The following RPS6KA5 variants were observed in gnomAD, a reference collection of about 807,000 sequenced individuals.
The protein encoded by RPS6KA5 is ribosomal protein S6 kinase alpha-5.
In RPS6KA5, 27 loss-of-function variants were observed where a neutral mutation model predicts 85.5. The observed-to-expected ratio is 0.32, with a 90% CI of 0.23 to 0.44. The LOEUF is 0.44. RPS6KA5 is among the 20% of genes least tolerant of loss of function. The pLI is 1.00. For missense variants in RPS6KA5, 811 were observed against 980.9 expected, an observed-to-expected ratio of 0.83 and a Z score of 2.31; for synonymous variants, 334 against 348.2, an observed-to-expected ratio of 0.96 and a Z score of 0.46.
chr14:90,877,842 C>G (rs1308287403), intron 14 of RPS6KA5, among the ~76,000 whole-genome samples: 1 of 152,226 alleles, frequency 6.6e-6, no homozygotes, highest in Non-Finnish European at 1.5e-5. Context: ...AATTCCTTAA[C>G]TTCTCTTAGA....
At chr14:90,901,966 G>C (rs1458106294) in intron 9 of RPS6KA5, among the ~76,000 whole-genome samples, 1 of 152,082 alleles carries the variant, frequency 6.6e-6, no homozygotes, top group African/African-American at 2.4e-5. Context: ...AGGATCGCTT[G>C]AGGCCAGAGT....
At chr14:91,025,330 C>A (rs1323891779) in intron 1 of RPS6KA5, among the ~76,000 whole-genome samples, 1 of 152,204 alleles carries the variant, frequency 6.6e-6, no homozygotes, top group Non-Finnish European at 1.5e-5. Flanking sequence ...AGGCGTGAGC[C>A]ACCACGCCCA....
In RPS6KA5 at chr14:90,856,898, G is replaced by GT. The variant is rs1400621898; in HGVS notation, c.*15175dup. 4.1e-5 allele frequency: 7 copies of GT among 168,972 alleles called. No homozygotes were observed. Among genetic ancestry groups the GT allele is most frequent in the African/African-American group, 1.7e-4 (7 of 41,864 alleles). The allele number at this position is 168,972 out of a possible 1,614,324, so 10.5% of individuals were successfully genotyped here. On this transcript the variant is annotated 3_prime_UTR_variant, in exon 17 of 17. Coordinates refer to ENST00000614987, the MANE Select transcript of RPS6KA5 (RefSeq NM_004755.4). ...GATTTGCCCATTCTGGACATTTCAT[G>GT]TAAGTGGAATCATACAATACGTGGC...
rs761646046 is a variant in RPS6KA5, at chr14:90,943,144, T to A, written c.552A>T (p.Leu184=). 2.5e-6 allele frequency: 4 copies of A among 1,611,944 alleles called. No homozygotes were observed. The highest frequency in any genetic ancestry group is 1.3e-5 in the African/African-American group (1 of 74,870). ...GCACCACATGGCCATTAGAATCAAG[T>A]AGAATATTCTCAAGCTTAATATCAC... is the stretch of plus-strand genomic sequence containing the variant. ...IYRDIKLENI[L]LDSNGHVVLT... Residue 184 remains leucine (L), a synonymous_variant, in exon 5 of 17, where the codon CTA becomes CTT. Coordinates refer to ENST00000614987, the MANE Select transcript of RPS6KA5 (RefSeq NM_004755.4).
chr14:90,876,027 A>G (rs2033449778), intron 14 of RPS6KA5, among the ~76,000 whole-genome samples: 1 of 151,530 alleles, frequency 6.6e-6, no homozygotes, highest in Non-Finnish European at 1.5e-5. Flanking sequence ...CGTTGTGCAC[A>G]TGTACCCTAA....
intron 3 of RPS6KA5, among the ~76,000 whole-genome samples, chr14:90,959,253 C>T (rs775245542): frequency 5.3e-5 from 8 of 152,126 alleles, no homozygotes; most frequent in Non-Finnish European, 7.4e-5. Context: ...GTTGCCCTTG[C>T]GGCTGTGCAG....
chr14:90,953,569 C>G (rs144451977), intron 3 of RPS6KA5, among the ~76,000 whole-genome samples: 1 of 152,286 alleles, frequency 6.6e-6, no homozygotes, highest in East Asian at 1.9e-4. Flanking sequence ...TATTTTTCTT[C>G]TTGCAGAGAG....
chr14:90,940,479 A>T (rs2037510366), intron 5 of RPS6KA5, among the ~76,000 whole-genome samples: 1 of 152,206 alleles, frequency 6.6e-6, no homozygotes, highest in African/African-American at 2.4e-5. Flanking sequence ...TTATTACTGT[A>T]TTAAGACCTA....
chr14:91,006,018 A>T (rs80054129), intron 1 of RPS6KA5, among the ~76,000 whole-genome samples: 2,746 of 152,214 alleles, frequency 0.018, 64 homozygotes, highest in African/African-American at 0.064. Flanking sequence ...TCAAAAGGAG[A>T]TGGTACTTTA....
chr14:90,875,080 A>G, intron 15 of RPS6KA5, 121 bp downstream of exon 15: 2 of 935,544 alleles, frequency 2.1e-6, no homozygotes, highest in Non-Finnish European at 3.2e-6. Context: ...GTAGCCTGGA[A>G]GCCTTTTAGA....
At chr14:91,044,588 C>T (rs1041284469) in intron 1 of RPS6KA5, among the ~76,000 whole-genome samples, 3 of 151,858 alleles carry the variant, frequency 2.0e-5, no homozygotes, top group Non-Finnish European at 4.4e-5. Flanking sequence ...AGATTGAAGA[C>T]CCAGGCTGGG....
At chr14:91,035,331 C>T (rs978922664) in intron 1 of RPS6KA5, among the ~76,000 whole-genome samples, 1 of 152,074 alleles carries the variant, frequency 6.6e-6, no homozygotes, top group Admixed American at 6.6e-5. Context: ...CAAATTCCAA[C>T]AGAGCTGCTG....
intron 14 of RPS6KA5, among the ~76,000 whole-genome samples, chr14:90,878,799 T>C (rs751282097): frequency 8.5e-5 from 13 of 152,204 alleles, no homozygotes; most frequent in Non-Finnish European, 1.5e-4. Context: ...TACGTTGCAC[T>C]GGAGAATACT....
At position 90,859,599 on chromosome 14, in the gene RPS6KA5, A is replaced by G. The variant is rs995932251; in HGVS notation, c.*12475T>C. 1.3e-5 allele frequency: 2 copies of G among 152,232 alleles called. No individual in the cohort carries two copies. Among genetic ancestry groups the G allele is most frequent in the Admixed American group, 1.3e-4 (2 of 15,284 alleles). The allele number at this position is 152,232 out of a possible 1,614,324, so 9.4% of individuals were successfully genotyped here. On this transcript the variant is annotated 3_prime_UTR_variant, in exon 17 of 17. Coordinates refer to ENST00000614987, the MANE Select transcript of RPS6KA5 (RefSeq NM_004755.4). ...AGGCTCAGCAGAACAGGATAAGTTA[A>G]TTAGGTCAGTAAAAACTATACAGAT...
At chr14:91,005,799 G>A (rs998520751) in intron 1 of RPS6KA5, among the ~76,000 whole-genome samples, 3 of 151,898 alleles carry the variant, frequency 2.0e-5, no homozygotes, top group Admixed American at 1.3e-4. Flanking sequence ...AACAGTATTA[G>A]AACAAGACTT....
chr14:90,903,164 C>A (rs180705589), intron 8 of RPS6KA5, among the ~76,000 whole-genome samples, 195 bp from the exon 9 acceptor site: 1 of 152,304 alleles, frequency 6.6e-6, no homozygotes, highest in East Asian at 1.9e-4. Context: ...CAATGCTGTG[C>A]CTCAAAGATG....
rs1454760629 is a variant in RPS6KA5 at position 90,865,411 on chromosome 14, A to G, written c.*6663T>C. The G allele has an allele frequency of 2.0e-5, 3 of 152,368 alleles. No individual in the cohort carries two copies. The East Asian group carries it at 5.8e-4, about 29-fold the overall frequency. The allele number at this position is 152,368 out of a possible 1,614,324, so 9.4% of individuals were successfully genotyped here. The stretch of plus-strand genomic sequence containing the variant: ...TGCTGATCAAATTAAACCAGACACA[A>G]AAACCTATAGACTGGATAATTCCAT... On this transcript the variant is annotated 3_prime_UTR_variant, in exon 17 of 17. Coordinates refer to ENST00000614987, the MANE Select transcript of RPS6KA5 (RefSeq NM_004755.4).
At chr14:90,962,113 T>C (rs574290763) in intron 3 of RPS6KA5, among the ~76,000 whole-genome samples, 2 of 152,318 alleles carry the variant, frequency 1.3e-5, no homozygotes, top group East Asian at 3.9e-4. Flanking sequence ...CAGAAAGCTA[T>C]AAACACAGAT....
At position 91,056,207 on chromosome 14, in the gene RPS6KA5, T is replaced by C. The variant is rs532195371; in HGVS notation, c.103+4125A>G. 5.3e-5 allele frequency among the ~76,000 whole-genome samples: 8 copies of C among 152,312 alleles called. No homozygotes were observed. The East Asian group carries it at 1.5e-3, about 29-fold the overall frequency. ...ACCTTCTCCTCAATGTTAGGCTCTC[T>C]CTCCTAATAACAGGCATCTAAGTAA... On this transcript the variant is annotated intron_variant, in intron 1 of 16. Coordinates refer to ENST00000614987, the MANE Select transcript of RPS6KA5 (RefSeq NM_004755.4).
Sources: allele counts gnomAD v4.1 joint callset (sites outside exome capture counted in the v4.1 genomes callset), GRCh38; gene constraint gnomAD v4.1.1; transcripts MANE v1.5; gene names NCBI Gene and HGNC (gene_info 2026-07-23, HGNC 2026-07-21).